The following NUP153 variants were observed in gnomAD, a reference collection of about 807,000 sequenced individuals.
NUP153 encodes the protein nuclear pore complex protein Nup153.
Under a neutral mutation model 134.6 loss-of-function variants are expected in NUP153, and 27 were observed. The observed-to-expected ratio is 0.20, with a 90% CI of 0.15 to 0.28. The LOEUF (loss-of-function observed/expected upper bound fraction) is 0.28, where lower values mean the gene tolerates loss of function less well. Ranked by LOEUF, NUP153 falls within the 10% of genes least tolerant of loss-of-function variation. NUP153 has a pLI of 1.00. For synonymous variants in NUP153, 640 were observed against 623.5 expected, an observed-to-expected ratio of 1.03 and a Z score of -0.40; for missense variants, 1,821 against 1,731.3, an observed-to-expected ratio of 1.05 and a Z score of -0.92.
intron 9 of NUP153, among the ~76,000 whole-genome samples, chr6:17,663,041 A>G (rs71556129): frequency 4.9e-4 from 74 of 152,188 alleles, no homozygotes; most frequent in Non-Finnish European, 9.4e-4. Context: ...ACATGTAAAT[A>G]GAATCTGTAG....
At chr6:17,687,606 T>G (rs1320705264) in intron 2 of NUP153, among the ~76,000 whole-genome samples, 18 of 152,174 alleles carry the variant, frequency 1.2e-4, no homozygotes, top group Non-Finnish European at 2.9e-5. Context: ...TTTTTTACTA[T>G]GGACAAATCA....
chr6:17,687,910 C>T (rs1331462784), intron 2 of NUP153, among the ~76,000 whole-genome samples: 3 of 151,898 alleles, frequency 2.0e-5, no homozygotes, highest in Non-Finnish European at 2.9e-5. Context: ...GTCAGGAGAT[C>T]GAGACCATCC....
chr6:17,698,798 GC>G (rs1295495560), intron 1 of NUP153, among the ~76,000 whole-genome samples: 1 of 149,954 alleles, frequency 6.7e-6, no homozygotes, highest in African/African-American at 2.5e-5. Context: ...GAATCCCAGA[GC>G]GGGGCGGAGG....
intron 5 of NUP153, among the ~76,000 whole-genome samples, chr6:17,673,723 A>G (rs1337930008): frequency 6.6e-6 from 1 of 152,216 alleles, no homozygotes; most frequent in Non-Finnish European, 1.5e-5. Context: ...AAGTGCTGAC[A>G]AGGATGAACA....
At position 17,638,866 on chromosome 6, in the gene NUP153, T is replaced by C. The variant is rs973473241; in HGVS notation, c.1846+1073A>G. ...CATAACTGCATGGAACTGTCCAAGC[T>C]ACTGGACTCCTGTAGGCAGTATACT... On this transcript the variant is annotated intron_variant, in intron 15 of 21. Transcript: ENST00000262077. This position sits in a 1 kb window ranked among gnomAD's most constrained non-coding sequence, Gnocchi z 4.0. Among the ~76,000 whole-genome samples, 2 of 152,216 alleles carry C rather than the reference T, an allele frequency of 1.3e-5. No homozygotes were observed. Among genetic ancestry groups the C allele is most frequent in the African/African-American group, 4.8e-5 (2 of 41,446 alleles).
chr6:17,621,256 G>A lies in NUP153; in HGVS notation c.4174+3305C>T, dbSNP rs550384103. ...ATGGAAACTTACACACTGTTGGAGT[G>A]AATGTAAATTAGTATAACCGTTATG... On this transcript the variant is annotated intron_variant, in intron 20 of 21. Coordinates refer to ENST00000262077, the MANE Select transcript of NUP153 (RefSeq NM_005124.4). 1.5e-4 allele frequency among the ~76,000 whole-genome samples: 23 copies of A among 152,294 alleles called. No individual in the cohort carries two copies. In the South Asian group the frequency reaches 1.9e-3, roughly 12 times the overall value.
chr6:17,645,868 T>G (rs1301916458), intron 14 of NUP153, among the ~76,000 whole-genome samples, 199 bp downstream of exon 14: 1 of 152,060 alleles, frequency 6.6e-6, no homozygotes, highest in African/African-American at 2.4e-5. Context: ...ACACTTCCAT[T>G]TAAGGAGCTA....
At chr6:17,692,289 G>A (rs1769329793) in intron 1 of NUP153, among the ~76,000 whole-genome samples, 1 of 152,208 alleles carries the variant, frequency 6.6e-6, no homozygotes, top group Non-Finnish European at 1.5e-5. Flanking sequence ...GAGCTTAATA[G>A]AGGAACAGTG....
intron 2 of NUP153, among the ~76,000 whole-genome samples, chr6:17,685,614 C>A (rs558615601): frequency 1.3e-5 from 2 of 151,796 alleles, no homozygotes; most frequent in African/African-American, 4.8e-5. Context: ...GCTGAAAAAT[C>A]TGTATTCCCT....
chr6:17,656,871 A>C (rs148087255), intron 11 of NUP153, among the ~76,000 whole-genome samples: 399 of 152,312 alleles, frequency 2.6e-3, no homozygotes, highest in African/African-American at 9.2e-3. Context: ...AGCTGGAATG[A>C]AATGTGGAAA....
chr6:17,662,057 T>A lies in NUP153; in HGVS notation c.1229A>T (p.Lys410Ile). ...IDNKCSTGYE[K>I]NMTPGQNREQ... ...TCTATTTTGTCCGGGTGTCATATTTTTTTCATATCCAGTCTGCAGGGGAAA... is the reference window on the plus strand; with the variant it reads ...TCTATTTTGTCCGGGTGTCATATTTATTTCATATCCAGTCTGCAGGGGAAA... The change falls in exon 10 of 22, where the codon AAA (lysine) becomes ATA (isoleucine). Residue 410 changes from lysine to isoleucine, a missense_variant. Physicochemically the swap from Lys to Ile is moderately radical, Grantham distance 102. Coordinates refer to ENST00000262077, the MANE Select transcript of NUP153 (RefSeq NM_005124.4). 1 of 1,612,796 alleles carries A rather than the reference T, an allele frequency of 6.2e-7. No individual in the cohort carries two copies. The highest frequency in any genetic ancestry group is 8.5e-7 in the Non-Finnish European group (1 of 1,179,380).
At chr6:17,622,676 T>C (rs1029188245) in intron 20 of NUP153, among the ~76,000 whole-genome samples, 14 of 151,504 alleles carry the variant, frequency 9.2e-5, no homozygotes, top group African/African-American at 3.1e-4. Context: ...GTTTATAAAA[T>C]TGATTGCTCT....
intron 1 of NUP153, among the ~76,000 whole-genome samples, chr6:17,701,835 G>GGA (rs908929524): frequency 1.0e-5 from 1 of 99,908 alleles, no homozygotes; most frequent in Non-Finnish European, 2.2e-5. Context: ...TCTGTCTCGG[G>GGA]GGGGGGGGGA....
chr6:17,616,796 C>T lies in NUP153; in HGVS notation c.4175-101G>A, dbSNP rs1764361043. 3 of 1,158,350 alleles carry T rather than the reference C, an allele frequency of 2.6e-6. No homozygotes were observed. In the African/African-American group the frequency reaches 4.6e-5, roughly 18 times the overall value. 71.8% of individuals were successfully genotyped at this position (1,158,350 alleles called of 1,614,324 possible). ...ACGGAGTCTCGCTCTCTTGCCCAGG[C>T]TGGAGTACAGTGGCACAATCTTGGC... On this transcript the variant is annotated intron_variant, in intron 20 of 21. Coordinates refer to ENST00000262077, the MANE Select transcript of NUP153 (RefSeq NM_005124.4).
At chr6:17,616,285 G>A (rs559679164) in intron 21 of NUP153, 104 bp from the exon 22 acceptor site, 3 of 542,548 alleles carry the variant, frequency 5.5e-6, no homozygotes, top group African/African-American at 2.0e-5. Context: ...GGTCGGGTGG[G>A]GGGGGAGTAG....
At chr6:17,683,761 G>C (rs1768751309) in intron 2 of NUP153, among the ~76,000 whole-genome samples, 1 of 152,172 alleles carries the variant, frequency 6.6e-6, no homozygotes, top group Non-Finnish European at 1.5e-5. Context: ...GCCAGGCATT[G>C]ATGTCTCTTC....
In NUP153 at chr6:17,626,036, T is replaced by C. The variant is rs1299371505; in HGVS notation, c.3673A>G (p.Thr1225Ala). The C allele has an allele frequency of 2.5e-6, 4 of 1,614,178 alleles. No individual in the cohort carries two copies. Among genetic ancestry groups the C allele is most frequent in the Middle Eastern group, 1.7e-4 (1 of 6,058 alleles). The change falls in exon 19 of 22, where the codon ACC becomes GCC. Residue 1225 changes from threonine to alanine, a missense_variant. Transcript: ENST00000262077. ...STSSSNPPVA[T>A]FVFGQSSNPV... Reference sequence around the variant, plus strand: ...TTGCTGGACTGTCCAAACACAAAGGTAGCCACAGGTGGATTGGAGGAAGAG... The same window carrying C: ...TTGCTGGACTGTCCAAACACAAAGGCAGCCACAGGTGGATTGGAGGAAGAG...
chr6:17,629,181 T>A lies in NUP153; in HGVS notation c.3018A>T (p.Gly1006=). Residue 1006 remains glycine, a synonymous_variant, in exon 18 of 22, where the codon GGA becomes GGT. Coordinates refer to ENST00000262077, the MANE Select transcript of NUP153 (RefSeq NM_005124.4). ...GCAGTTCCTCTTTCTTTTCTTCCTG[T>A]CCAAGATTAGATACCCCAAATTGAA... The part of the protein sequence containing the change: ...TPFQFGVSNL[G]QEEKKEELPK... The A allele has an allele frequency of 6.2e-7, 1 of 1,613,390 alleles. No homozygotes were observed. Among genetic ancestry groups the A allele is most frequent in the Non-Finnish European group, 8.5e-7 (1 of 1,179,864 alleles).
At chr6:17,619,627 A>G (rs190071359) in intron 20 of NUP153, 2 of 152,356 alleles carry the variant, frequency 1.3e-5, no homozygotes, top group East Asian at 1.9e-4. Context: ...GAAGTGTTCT[A>G]TATTTTTAAA....
Sources: allele counts gnomAD v4.1 joint callset (sites outside exome capture counted in the v4.1 genomes callset), GRCh38; gene constraint gnomAD v4.1.1; non-coding constraint Gnocchi (gnomAD v3.1); transcripts MANE v1.5; gene names NCBI Gene and HGNC (gene_info 2026-07-23, HGNC 2026-07-21).